Variants in TNRC18 observed in about 807,000 individuals in gnomAD.
TNRC18 encodes trinucleotide repeat containing 18, also known as trinucleotide repeat-containing gene 18 protein.
A neutral mutation model predicts 226.7 loss-of-function variants in TNRC18; 69 were observed. That is an observed-to-expected ratio of 0.30 (90% confidence interval 0.25 to 0.37). The LOEUF is 0.37. TNRC18 is among the 10% of genes least tolerant of loss of function. The probability of loss-of-function intolerance (pLI) is 1.00; values close to 1 mark genes in which losing one functional copy is unlikely to be tolerated. For synonymous variants in TNRC18, 2,449 were observed against 1,927.6 expected (o/e 1.27, Z -7.09); for missense variants, 4,754 against 4,256.6 (o/e 1.12, Z -3.25).
intron 2 of TNRC18, among the ~76,000 whole-genome samples, chr7:5,404,381 A>G (rs967791310): frequency 1.3e-5 from 2 of 152,202 alleles, no homozygotes; most frequent in Non-Finnish European, 1.5e-5. Flanking sequence ...GAGAAAAAAA[A>G]AGAATCCCAG....
chr7:5,384,578 G>A (rs1779626376), intron 5 of TNRC18, among the ~76,000 whole-genome samples: 1 of 151,076 alleles, frequency 6.6e-6, no homozygotes, highest in African/African-American at 2.4e-5. Context: ...CAGGTACTCT[G>A]GGATCTCAGA....
At chr7:5,396,136 A>C (rs1780669391) in intron 2 of TNRC18, among the ~76,000 whole-genome samples, 1 of 141,952 alleles carries the variant, frequency 7.0e-6, no homozygotes, top group Admixed American at 7.4e-5. Context: ...GCTCCACTGC[A>C]CTCCAGCCTG....
chr7:5,418,368 C>T (rs1212021329), intron 2 of TNRC18, among the ~76,000 whole-genome samples: 1 of 152,222 alleles, frequency 6.6e-6, no homozygotes, highest in African/African-American at 2.4e-5. Flanking sequence ...AGAGGCCAAA[C>T]CCCTCCATCT....
intron 24 of TNRC18, among the ~76,000 whole-genome samples, chr7:5,318,498 T>A (rs1788061840): frequency 6.6e-6 from 1 of 151,926 alleles, no homozygotes; most frequent in Non-Finnish European, 1.5e-5. Flanking sequence ...AACATGAAAT[T>A]CACAAGAGAA....
At chr7:5,325,465 C>T (rs1284346464) in intron 19 of TNRC18, 22 of 522,410 alleles carry the variant, frequency 4.2e-5, no homozygotes, top group African/African-American at 1.2e-4. Context: ...GCTCTGTCAC[C>T]GAGGCTGGAG....
intron 19 of TNRC18, among the ~76,000 whole-genome samples, chr7:5,332,398 G>A (rs1000914257): frequency 5.3e-5 from 8 of 152,176 alleles, no homozygotes; most frequent in South Asian, 2.1e-4. Flanking sequence ...AGGCCACTGC[G>A]CTCCAGCCTG....
intron 21 of TNRC18, among the ~76,000 whole-genome samples, chr7:5,322,319 G>T (rs73051977): frequency 6.6e-6 from 1 of 151,644 alleles, no homozygotes; most frequent in Non-Finnish European, 1.5e-5. Context: ...TGATGTCAGA[G>T]ACAAGGTCTT....
chr7:5,384,867 C>G (rs1779647323), intron 5 of TNRC18, among the ~76,000 whole-genome samples: 1 of 152,248 alleles, frequency 6.6e-6, no homozygotes, highest in Non-Finnish European at 1.5e-5. Flanking sequence ...CCACACAGAG[C>G]AGTGTGTTCA....
intron 2 of TNRC18, among the ~76,000 whole-genome samples, chr7:5,408,377 A>G (rs1781620999): frequency 6.6e-6 from 1 of 151,894 alleles, no homozygotes; most frequent in African/African-American, 2.4e-5. Context: ...GGCCAGGCGC[A>G]TAGCTCACGC....
rs141210696 is a variant in TNRC18 at position 5,318,055 on chromosome 7, A to G, written c.6746-1983T>C. Among the ~76,000 whole-genome samples the G allele has an allele frequency of 8.4e-3, 1,286 of 152,200 alleles. 23 individuals are homozygous for G. Among genetic ancestry groups the G allele is most frequent in the African/African-American group, 0.029 (1,202 of 41,524 alleles). On this transcript the variant is annotated intron_variant, in intron 24 of 29. Transcript: ENST00000430969. The stretch of plus-strand genomic sequence containing the variant: ...CCCAGCTTATTTTTGTATTTTTAAT[A>G]GAGACGGGGTTTCACCATGCTGCCC...
chr7:5,385,982 CAAAAAAAA>C (rs1160231238), intron 5 of TNRC18, among the ~76,000 whole-genome samples: 44 of 41,530 alleles, frequency 1.1e-3, no homozygotes, highest in South Asian at 3.9e-3. Flanking sequence ...AAGTCTGTCT[CAAAAAAAA>C]AAAAAAAAAA....
chr7:5,344,863 G>C (rs939608047), intron 18 of TNRC18, among the ~76,000 whole-genome samples: 3 of 152,164 alleles, frequency 2.0e-5, no homozygotes, highest in Non-Finnish European at 4.4e-5. Flanking sequence ...AAGAAGGCAG[G>C]GCCCTGATGC....
rs565378954 is a variant in TNRC18 at position 5,345,640 on chromosome 7, C to A, written c.5641G>T (p.Val1881Leu). The part of the protein sequence containing the change: ...FAASALPSPT[V>L]GPSLSVVQLE... ...TGTACCACAGACAGGGATGGACCCACCGTGGGGCTGGGGAGGGCGCTGGCG... is the reference window on the plus strand; with the variant it reads ...TGTACCACAGACAGGGATGGACCCAACGTGGGGCTGGGGAGGGCGCTGGCG... Residue 1881 changes from valine to leucine, a missense_variant, in exon 18 of 30, where the codon GTG (valine) becomes TTG (leucine). Transcript: ENST00000430969. The A allele has an allele frequency of 5.8e-5, 90 of 1,557,876 alleles. 1 individual carries two copies. In the South Asian group the frequency reaches 1.1e-3, roughly 18 times the overall value.
At chr7:5,353,070 T>A (rs1056538971) in intron 16 of TNRC18, among the ~76,000 whole-genome samples, 1 of 152,132 alleles carries the variant, frequency 6.6e-6, no homozygotes, top group Non-Finnish European at 1.5e-5. Flanking sequence ...AACCTCAGGA[T>A]GGTCCGGCAA....
chr7:5,333,144 TC>T, intron 18 of TNRC18, 95 bp from the exon 19 acceptor site: 1 of 1,353,122 alleles, frequency 7.4e-7, no homozygotes, highest in East Asian at 2.5e-5. Context: ...CGGCGGGACC[TC>T]CCCGCCAATG....
chr7:5,390,229 G>A (rs1780184342), intron 4 of TNRC18: 2 of 533,346 alleles, frequency 3.7e-6, no homozygotes, highest in South Asian at 3.0e-5. Flanking sequence ...GCTGGCTGTG[G>A]TGGGGTGTGT....
intron 3 of TNRC18, among the ~76,000 whole-genome samples, chr7:5,393,624 A>AAGGAGGG (rs1436405925): frequency 1.3e-5 from 2 of 152,160 alleles, no homozygotes; most frequent in African/African-American, 4.8e-5. Flanking sequence ...AGGAAGGAGG[A>AAGGAGGG]AGGAGGGAGG....
intron 21 of TNRC18, among the ~76,000 whole-genome samples, chr7:5,323,191 T>C (rs945177085): frequency 6.6e-6 from 1 of 152,034 alleles, no homozygotes; most frequent in Non-Finnish European, 1.5e-5. Context: ...GCCGACTCCT[T>C]CTCACTCGCT....
rs562842768 is a variant in TNRC18, at chr7:5,377,822, T to C, written c.2255+100A>G. Reference sequence around the variant, plus strand: ...CCCGCTCTCAGTACCATAGCATCCATGGTCGAGGGGCCAAGCCCACCTGGG... The same window carrying C: ...CCCGCTCTCAGTACCATAGCATCCACGGTCGAGGGGCCAAGCCCACCTGGG... On this transcript the variant is annotated intron_variant, in intron 6 of 29. Transcript: ENST00000430969. This position sits in a 1 kb window ranked among gnomAD's most constrained non-coding sequence, Gnocchi z 5.8. 16 of 1,210,672 alleles carry C rather than the reference T, an allele frequency of 1.3e-5. No homozygotes were observed. The highest frequency in any genetic ancestry group is 8.1e-5 in the South Asian group (6 of 74,234). The allele number at this position is 1,210,672 out of a possible 1,614,324, so 75.0% of individuals were successfully genotyped here.
Sources: allele counts gnomAD v4.1 joint callset (sites outside exome capture counted in the v4.1 genomes callset), GRCh38; gene constraint gnomAD v4.1.1; non-coding constraint Gnocchi (gnomAD v3.1); transcripts MANE v1.5; gene names NCBI Gene and HGNC (gene_info 2026-07-23, HGNC 2026-07-21).